Variants in APPBP2 observed in about 807,000 individuals in gnomAD.
APPBP2 encodes the protein amyloid protein-binding protein 2.
A neutral mutation model predicts 76.0 loss-of-function variants in APPBP2; 15 were observed. The observed-to-expected ratio is 0.20, with a 90% CI of 0.13 to 0.30. APPBP2 has a LOEUF of 0.30. APPBP2 is among the 10% of genes least tolerant of loss of function. APPBP2 has a pLI of 1.00. For synonymous variants in APPBP2, 222 were observed against 242.2 expected, an observed-to-expected ratio of 0.92 and a Z score of 0.77; for missense variants, 401 against 687.2, an observed-to-expected ratio of 0.58 and a Z score of 4.66.
rs566070841 is a variant in APPBP2, at chr17:60,484,734, C to T, written c.380-5463G>A. On this transcript the variant is annotated intron_variant, in intron 3 of 12. Transcript: ENST00000083182. The stretch of plus-strand genomic sequence containing the variant: ...CCTTTATTTCTTTCCCTTGCCTGAC[C>T]GCCCTGGCCAGAACTTCCAACACTA... Among the ~76,000 whole-genome samples the T allele has an allele frequency of 5.3e-5, 8 of 152,152 alleles. No individual in the cohort carries two copies. In the South Asian group the frequency reaches 6.2e-4, roughly 12 times the overall value.
intron 1 of APPBP2, among the ~76,000 whole-genome samples, chr17:60,511,138 C>A (rs1219897495): frequency 6.6e-6 from 1 of 152,294 alleles, no homozygotes; most frequent in East Asian, 1.9e-4. Flanking sequence ...AAGGCCTAGT[C>A]AGTGATAACC....
intron 12 of APPBP2, among the ~76,000 whole-genome samples, chr17:60,449,014 A>G (rs375905094): frequency 3.3e-5 from 5 of 152,378 alleles, no homozygotes; most frequent in East Asian, 3.9e-4. Flanking sequence ...GTGCAAAAGA[A>G]TAACATAACC....
Position 60,477,292 on chromosome 17 carries a change from G to A in APPBP2, c.503+1856C>T, listed in dbSNP as rs2090597709. Among the ~76,000 whole-genome samples, 3 of 152,174 alleles carry A rather than the reference G, an allele frequency of 2.0e-5. No homozygotes were observed. The South Asian group carries it at 6.2e-4, about 32-fold the overall frequency. On this transcript the variant is annotated intron_variant, in intron 4 of 12. Coordinates refer to ENST00000083182, the MANE Select transcript of APPBP2 (RefSeq NM_006380.5). ...AACCTTAAAATCAGAAGAAACACAG[G>A]TATTTGGGTGAAATAAATCTGAATA...
chr17:60,513,279 CTCAA>C lies in APPBP2; in HGVS notation c.138+12511_138+12514del, dbSNP rs140663634. On this transcript the variant is annotated intron_variant, in intron 1 of 12. Coordinates refer to ENST00000083182, the MANE Select transcript of APPBP2 (RefSeq NM_006380.5). ...AGAAATTTGCCATACACAATCACAG[CTCAA>C]TCAATGTATATTTGGGAAATATGGA... 8,520 of 484,880 alleles carry C rather than the reference CTCAA, an allele frequency of 0.018. 870 individuals are homozygous for C. The East Asian group carries it at 0.24, about 13-fold the overall frequency. The allele number at this position is 484,880 out of a possible 1,614,324, so 30.0% of individuals were successfully genotyped here.
At chr17:60,487,427 CTTCAT>C (rs1180626973) in intron 3 of APPBP2, among the ~76,000 whole-genome samples, 3 of 152,252 alleles carry the variant, frequency 2.0e-5, no homozygotes, top group Non-Finnish European at 2.9e-5. Flanking sequence ...TCTCTTCTCA[CTTCAT>C]TTCATTAATT....
chr17:60,503,007 A>C (rs2143459703), intron 1 of APPBP2, among the ~76,000 whole-genome samples: 1 of 144,726 alleles, frequency 6.9e-6, no homozygotes. Flanking sequence ...TGGCTGTTTA[A>C]ATTTTCTTTT....
rs35185909 is a variant in APPBP2, at chr17:60,524,610, G to GAA, written c.138+1182_138+1183dup. On this transcript the variant is annotated intron_variant, in intron 1 of 12. Transcript: ENST00000083182. ...ACGCAGCCCATCAACTGCTAATTCTGAAAAAAAAAAAAAAAAAAAAAAAAA... is the reference window on the plus strand; with the variant it reads ...ACGCAGCCCATCAACTGCTAATTCTGAAAAAAAAAAAAAAAAAAAAAAAAAAA... Among the ~76,000 whole-genome samples the GAA allele has an allele frequency of 8.5e-3, 424 of 49,898 alleles. 26 individuals carry two copies. Among genetic ancestry groups the GAA allele is most frequent in the East Asian group, 0.026 (30 of 1,138 alleles). The allele number at this position is 49,898 out of a possible 152,430, so 32.7% of individuals were successfully genotyped here.
intron 3 of APPBP2, among the ~76,000 whole-genome samples, chr17:60,485,023 T>G (rs1486445435): frequency 6.6e-6 from 1 of 152,226 alleles, no homozygotes; most frequent in African/African-American, 2.4e-5. Flanking sequence ...GATTTGCATA[T>G]GTTGAACCAG....
chr17:60,506,324 G>A (rs374411887), intron 1 of APPBP2, among the ~76,000 whole-genome samples: 8 of 152,028 alleles, frequency 5.3e-5, no homozygotes, highest in African/African-American at 1.9e-4. Context: ...TGACCTCATC[G>A]TTTACTATTG....
At chr17:60,501,440 C>T (rs754895900) in intron 1 of APPBP2, among the ~76,000 whole-genome samples, 1 of 152,096 alleles carries the variant, frequency 6.6e-6, no homozygotes, top group Non-Finnish European at 1.5e-5. Context: ...AATACAATAC[C>T]CAAGAGTGTG....
rs192599675 is a variant in APPBP2 at position 60,479,431 on chromosome 17, T to C, written c.380-160A>G. Reference sequence around the variant, plus strand: ...AGGTATGAACTGTGAGATTTTTATATAAAGGTTTTGAACTACGGGAAGGAG... The same window carrying C: ...AGGTATGAACTGTGAGATTTTTATACAAAGGTTTTGAACTACGGGAAGGAG... On this transcript the variant is annotated intron_variant, in intron 3 of 12. Coordinates refer to ENST00000083182, the MANE Select transcript of APPBP2 (RefSeq NM_006380.5). Among the ~76,000 whole-genome samples the C allele has an allele frequency of 3.3e-3, 502 of 152,366 alleles. 3 individuals are homozygous for C. The highest frequency in any genetic ancestry group is 0.011 in the African/African-American group (476 of 41,600).
intron 3 of APPBP2, among the ~76,000 whole-genome samples, chr17:60,481,820 G>T (rs1376917445): frequency 6.6e-6 from 1 of 152,202 alleles, no homozygotes; most frequent in East Asian, 1.9e-4. Context: ...GACCATTTGT[G>T]CTTGAAAATG....
chr17:60,492,263 T>G (rs2090736094), intron 3 of APPBP2, among the ~76,000 whole-genome samples: 1 of 152,022 alleles, frequency 6.6e-6, no homozygotes. Flanking sequence ...CAGGGTGAGG[T>G]CCTCATGAAA....
intron 11 of APPBP2, 129 bp from the exon 12 acceptor site, chr17:60,452,174 C>T (rs983967759): frequency 2.1e-6 from 2 of 957,644 alleles, no homozygotes; most frequent in Non-Finnish European, 1.5e-6. Flanking sequence ...GATCAAAGAA[C>T]ATACTATGTT....
chr17:60,481,631 G>A (rs984413425), intron 3 of APPBP2, among the ~76,000 whole-genome samples: 1 of 152,078 alleles, frequency 6.6e-6, no homozygotes, highest in Non-Finnish European at 1.5e-5. Flanking sequence ...TTGTAATATT[G>A]ACCCTAGAAT....
chr17:60,458,435 CA>C (rs10692598), intron 9 of APPBP2, among the ~76,000 whole-genome samples: 2 of 137,280 alleles, frequency 1.5e-5, no homozygotes, highest in South Asian at 2.3e-4. Flanking sequence ...GACTCTGTCT[CA>C]AAAAAAAAAC....
intron 4 of APPBP2, among the ~76,000 whole-genome samples, chr17:60,468,726 T>G (rs1332006938): frequency 1.3e-5 from 2 of 152,238 alleles, no homozygotes; most frequent in African/African-American, 2.4e-5. Flanking sequence ...TCCAACTTAT[T>G]ATGGTCTAAT....
intron 4 of APPBP2, among the ~76,000 whole-genome samples, chr17:60,472,378 C>A (rs1390171074): frequency 6.6e-6 from 1 of 152,096 alleles, no homozygotes; most frequent in Admixed American, 6.5e-5. Context: ...CTTCTTGGGG[C>A]ATTTAGGTAA....
In APPBP2 at chr17:60,525,813, T is replaced by C; in HGVS notation, c.119A>G (p.Gln40Arg). The C allele has an allele frequency of 1.2e-6, 2 of 1,611,030 alleles. No homozygotes were observed. Among genetic ancestry groups the C allele is most frequent in the Non-Finnish European group, 1.7e-6 (2 of 1,179,376 alleles). ...GCATACCTTGTAGTAAACATCAAAC[T>C]GGATGTTCTCGGGCAAGGAGCGGAT... ...RDIRSLPENI[Q>R]FDVYYKLYQQ... The change falls in exon 1 of 13, where the codon CAG becomes CGG. Residue 40 changes from glutamine (Q) to arginine (R), a missense_variant. This residue lies in a region of APPBP2 where 149 missense variants were observed against 198.4 expected (regional missense o/e 0.75). Coordinates refer to ENST00000083182, the MANE Select transcript of APPBP2 (RefSeq NM_006380.5).
Sources: gnomAD v4.1 joint callset for allele counts (sites outside exome capture counted in the v4.1 genomes callset) on GRCh38, gnomAD v4.1.1 for gene constraint, gnomAD v4.1.1 regional missense constraint, MANE v1.5 for transcripts, NCBI Gene and HGNC (gene_info 2026-07-23, HGNC 2026-07-21) for gene names.